Variants in STPG2 observed in about 807,000 individuals in gnomAD.
STPG2 encodes sperm-tail PG-rich repeat-containing protein 2.
STPG2 carries 56 observed loss-of-function variants against 54.2 expected under a neutral mutation model. The ratio of observed to expected loss-of-function variants is 1.03; its 90% confidence interval spans 0.83 to 1.29. The LOEUF (loss-of-function observed/expected upper bound fraction) is 1.29, where lower values mean the gene tolerates loss of function less well. Among genes scored for constraint, STPG2 ranks in the 50% most tolerant of loss-of-function variants. The pLI, the probability that STPG2 is intolerant of heterozygous loss-of-function variation, is 0.00. For missense variants in STPG2, 596 were observed against 544.9 expected, an observed-to-expected ratio of 1.09 and a Z score of -0.93; for synonymous variants, 200 against 181.8, an observed-to-expected ratio of 1.10 and a Z score of -0.81.
intron 10 of STPG2, among the ~76,000 whole-genome samples, chr4:97,561,089 T>G (rs1732222710): frequency 6.6e-6 from 1 of 152,124 alleles, no homozygotes; most frequent in Non-Finnish European, 1.5e-5. Context: ...TGTTCCTATT[T>G]CTCCACATCC....
chr4:98,001,773 T>C (rs539767069), intron 5 of STPG2, among the ~76,000 whole-genome samples: 91 of 152,128 alleles, frequency 6.0e-4, no homozygotes, highest in Non-Finnish European at 1.2e-3. Flanking sequence ...AATTCTTTTG[T>C]TCACTTTTAA....
At chr4:97,993,194 T>C (rs113581710) in intron 5 of STPG2, among the ~76,000 whole-genome samples, 1,793 of 152,242 alleles carry the variant, frequency 0.012, 30 homozygotes, top group African/African-American at 0.041. Flanking sequence ...AACTTTTTTC[T>C]GTTTACTATA....
At chr4:97,531,966 A>G (rs1175838583) in intron 4 of STPG2, among the ~76,000 whole-genome samples, 1 of 152,220 alleles carries the variant, frequency 6.6e-6, no homozygotes, top group African/African-American at 2.4e-5. Flanking sequence ...GTATCAAAAT[A>G]TCTAATGTAC....
At chr4:98,087,732 T>C (rs1280265334) in intron 5 of STPG2, among the ~76,000 whole-genome samples, 3 of 152,060 alleles carry the variant, frequency 2.0e-5, no homozygotes, top group Non-Finnish European at 2.9e-5. Context: ...GGCTAATTTT[T>C]TGTATTTTTA....
At chr4:97,592,931 G>A (rs184671169) in intron 10 of STPG2, among the ~76,000 whole-genome samples, 10 of 152,248 alleles carry the variant, frequency 6.6e-5, no homozygotes, top group African/African-American at 1.9e-4. Context: ...TGGTGGGAGC[G>A]TCTTCAGTAG....
intron 3 of STPG2, among the ~76,000 whole-genome samples, chr4:98,113,622 G>A (rs1040710807): frequency 2.6e-5 from 4 of 151,874 alleles, no homozygotes; most frequent in African/African-American, 9.7e-5. Context: ...CTTTAACACT[G>A]AGTGATGAGT....
intron 8 of STPG2, among the ~76,000 whole-genome samples, chr4:97,902,182 C>T (rs1469949986): frequency 2.0e-5 from 3 of 152,006 alleles, no homozygotes; most frequent in Non-Finnish European, 2.9e-5. Flanking sequence ...AATGTCAGAC[C>T]TGAAACCACA....
At chr4:97,829,165 C>T (rs1029605184) in intron 9 of STPG2, among the ~76,000 whole-genome samples, 2 of 152,118 alleles carry the variant, frequency 1.3e-5, no homozygotes, top group Non-Finnish European at 2.9e-5. Context: ...GACGAAGCTT[C>T]CAGAGGAAGG....
At chr4:97,499,989 C>T (rs1730690005) in intron 4 of STPG2, among the ~76,000 whole-genome samples, 3 of 151,910 alleles carry the variant, frequency 2.0e-5, no homozygotes, top group Admixed American at 6.6e-5. Flanking sequence ...AGAAGTGAAG[C>T]CATGGAGAGT....
chr4:97,563,564 T>C (rs550577654), intron 10 of STPG2, among the ~76,000 whole-genome samples: 2 of 152,344 alleles, frequency 1.3e-5, no homozygotes, highest in Admixed American at 6.5e-5. Flanking sequence ...CTGCTTTCTC[T>C]TGTGGGCATT....
intron 8 of STPG2, among the ~76,000 whole-genome samples, chr4:97,930,352 T>A (rs1392779437): frequency 6.6e-6 from 1 of 152,224 alleles, no homozygotes; most frequent in Non-Finnish European, 1.5e-5. Context: ...TTGTTTTCTG[T>A]ATATGGTATA....
chr4:97,969,800 A>C (rs1734256377), intron 7 of STPG2, among the ~76,000 whole-genome samples: 1 of 152,190 alleles, frequency 6.6e-6, no homozygotes, highest in Non-Finnish European at 1.5e-5. Flanking sequence ...TAGTGTTGGA[A>C]GTTCTGGCCA....
intron 4 of STPG2, among the ~76,000 whole-genome samples, chr4:97,517,064 T>C (rs774701714): frequency 2.6e-5 from 4 of 151,786 alleles, no homozygotes; most frequent in Non-Finnish European, 5.9e-5. Context: ...TGTGCCACTA[T>C]GCCTGGCTAA....
At chr4:97,478,522 G>C in intron 4 of STPG2, among the ~76,000 whole-genome samples, 1 of 151,864 alleles carries the variant, frequency 6.6e-6, no homozygotes, top group East Asian at 1.9e-4. Context: ...GGCAGTATTT[G>C]TTTTTATCTT....
chr4:98,019,459 C>T (rs59887704), intron 5 of STPG2, among the ~76,000 whole-genome samples: 1,776 of 152,006 alleles, frequency 0.012, 17 homozygotes, highest in South Asian at 0.029. Context: ...ATGATGCCTC[C>T]GGGTTTATTC....
chr4:98,135,286 A>G (rs1338311487), intron 1 of STPG2, among the ~76,000 whole-genome samples: 1 of 151,786 alleles, frequency 6.6e-6, no homozygotes, highest in East Asian at 1.9e-4. Context: ...AATCTTGCTA[A>G]TCTGGACTAA....
chr4:97,599,823 C>CA (rs34252589), intron 10 of STPG2, among the ~76,000 whole-genome samples: 7,766 of 112,664 alleles, frequency 0.069, 277 homozygotes, highest in South Asian at 0.092. Flanking sequence ...GATTCTGTCT[C>CA]AAAAAAAAAA....
At chr4:97,954,230 G>A (rs1044520096) in intron 7 of STPG2, among the ~76,000 whole-genome samples, 1 of 152,170 alleles carries the variant, frequency 6.6e-6, no homozygotes, top group Admixed American at 6.6e-5. Context: ...TATTTTTAAA[G>A]ACCTCATTGA....
intron 10 of STPG2, among the ~76,000 whole-genome samples, chr4:97,622,498 G>GA (rs1734038236): frequency 6.6e-6 from 1 of 152,058 alleles, no homozygotes; most frequent in African/African-American, 2.4e-5. Flanking sequence ...GCCAAATCAA[G>GA]AATGTAATCC....
Sources: gnomAD v4.1 joint callset for allele counts (sites outside exome capture counted in the v4.1 genomes callset) on GRCh38, gnomAD v4.1.1 for gene constraint, MANE v1.5 for transcripts, NCBI Gene and HGNC (gene_info 2026-07-23, HGNC 2026-07-21) for gene names.